The following PKP4 variants were observed in gnomAD, a reference collection of about 807,000 sequenced individuals.
The protein encoded by PKP4 is plakophilin-4.
PKP4 carries 90 observed loss-of-function variants against 145.1 expected under a neutral mutation model. That is an observed-to-expected ratio of 0.62 (90% CI 0.52 to 0.74). The LOEUF is 0.74. Ranked by LOEUF, PKP4 falls within the 30% of genes least tolerant of loss-of-function variation. The pLI, the probability that PKP4 is intolerant of heterozygous loss-of-function variation, is 0.00. For synonymous variants in PKP4, 563 were observed against 577.2 expected (o/e 0.98, Z 0.35); for missense variants, 1,340 against 1,482.7 (o/e 0.90, Z 1.58).
At chr2:158,470,860 G>C (rs933577237) in intron 1 of PKP4, among the ~76,000 whole-genome samples, 1 of 152,140 alleles carries the variant, frequency 6.6e-6, no homozygotes, top group Non-Finnish European at 1.5e-5. Flanking sequence ...TCCTGAGAAG[G>C]CCTCCCACTG....
chr2:158,494,990 A>AG (rs1161924856), intron 1 of PKP4, among the ~76,000 whole-genome samples: 1 of 151,906 alleles, frequency 6.6e-6, no homozygotes, highest in African/African-American at 2.4e-5. Flanking sequence ...AGGCCGAGGC[A>AG]GGCGGATCAT....
intron 1 of PKP4, among the ~76,000 whole-genome samples, chr2:158,514,962 C>T (rs2041819299): frequency 6.6e-6 from 1 of 152,150 alleles, no homozygotes; most frequent in African/African-American, 2.4e-5. Flanking sequence ...TTGCAAATTA[C>T]TCAATGCATC....
Position 158,480,657 on chromosome 2 carries a change from A to G in PKP4, c.-6+23439A>G, listed in dbSNP as rs931437365. Among the ~76,000 whole-genome samples, 12 of 152,246 alleles carry G rather than the reference A, an allele frequency of 7.9e-5. 1 individual carries two copies. Among genetic ancestry groups the G allele is most frequent in the Middle Eastern group, 3.4e-3 (1 of 294 alleles). On this transcript the variant is annotated intron_variant, in intron 1 of 21. Transcript: ENST00000389759. Reference sequence around the variant, plus strand: ...CCCGAGATATTTAATGAAAAATTATATAAATAAGAAATTAATAGAATTTTA... The same window carrying G: ...CCCGAGATATTTAATGAAAAATTATGTAAATAAGAAATTAATAGAATTTTA...
At chr2:158,624,162 C>A (rs2052531482) in intron 6 of PKP4, among the ~76,000 whole-genome samples, 1 of 152,146 alleles carries the variant, frequency 6.6e-6, no homozygotes, top group African/African-American at 2.4e-5. Context: ...GCTAAGAACT[C>A]ATAGATCAGA....
intron 14 of PKP4, 82 bp from the exon 15 acceptor site, chr2:158,663,190 A>AGT (rs1484675209): frequency 3.3e-6 from 5 of 1,515,632 alleles, no homozygotes; most frequent in Non-Finnish European, 4.5e-6. Flanking sequence ...GCTATAGCTG[A>AGT]GTCCCGCAAA....
intron 7 of PKP4, among the ~76,000 whole-genome samples, chr2:158,627,990 A>T (rs554365887): frequency 1.1e-4 from 16 of 149,512 alleles, no homozygotes; most frequent in African/African-American, 3.9e-4. Context: ...TTATTTTTTT[A>T]TTTTTTTTTG....
intron 1 of PKP4, chr2:158,457,433 G>A (rs955678800): frequency 6.6e-6 from 1 of 152,294 alleles, no homozygotes; most frequent in Non-Finnish European, 1.5e-5. Flanking sequence ...CCCCCGGCAG[G>A]CGCACAAGTT....
intron 7 of PKP4, among the ~76,000 whole-genome samples, chr2:158,628,330 A>T (rs1315140723): frequency 6.6e-6 from 1 of 152,182 alleles, no homozygotes; most frequent in African/African-American, 2.4e-5. Flanking sequence ...TTTGAATTCC[A>T]GTTTCAATAA....
intron 10 of PKP4, 40 bp downstream of exon 10, chr2:158,640,799 G>T (rs904571803): frequency 1.2e-6 from 2 of 1,610,292 alleles, no homozygotes; most frequent in Admixed American, 1.7e-5. Context: ...GGAAAATAAT[G>T]CCTTTGCATT....
chr2:158,656,243 A>G (rs765996316), intron 11 of PKP4, among the ~76,000 whole-genome samples: 7 of 152,008 alleles, frequency 4.6e-5, no homozygotes, highest in Non-Finnish European at 8.8e-5. Context: ...ACAGTTTAAA[A>G]CCATTGCCCA....
At chr2:158,479,730 C>T (rs1228320588) in intron 1 of PKP4, among the ~76,000 whole-genome samples, 1 of 152,130 alleles carries the variant, frequency 6.6e-6, no homozygotes, top group Non-Finnish European at 1.5e-5. Context: ...TCATTGATGG[C>T]AGGTGAATAA....
intron 2 of PKP4, 136 bp downstream of exon 2, chr2:158,533,452 G>T: frequency 9.7e-7 from 1 of 1,034,120 alleles, no homozygotes; most frequent in Non-Finnish European, 1.5e-6. Context: ...TTACATCCCT[G>T]AGTACATTGG....
rs1020545204 is a variant in PKP4 at position 158,640,596 on chromosome 2, T to A, written c.1563-31T>A. 3 of 1,609,762 alleles carry A rather than the reference T, an allele frequency of 1.9e-6. No individual in the cohort carries two copies. In the African/African-American group the frequency reaches 4.0e-5, roughly 22 times the overall value. On this transcript the variant is annotated intron_variant, in intron 9 of 21. Coordinates refer to ENST00000389759, the MANE Select transcript of PKP4 (RefSeq NM_003628.6). ...CAGTGTATTTTTACAACATGGGCCTTCCTTTCTGAAGCCATGTTTTTCTCA... is the reference window on the plus strand; with the variant it reads ...CAGTGTATTTTTACAACATGGGCCTACCTTTCTGAAGCCATGTTTTTCTCA...
intron 1 of PKP4, among the ~76,000 whole-genome samples, chr2:158,497,298 G>A (rs987200613): frequency 8.2e-5 from 12 of 147,094 alleles, no homozygotes; most frequent in East Asian, 5.8e-4. Flanking sequence ...TCAGTGTTAC[G>A]CAGTATTTGC....
chr2:158,592,198 T>C (rs973258215), intron 3 of PKP4, among the ~76,000 whole-genome samples: 8 of 151,916 alleles, frequency 5.3e-5, no homozygotes, highest in African/African-American at 1.9e-4. Flanking sequence ...TAGAGAAGAG[T>C]AGGAAACCAG....
chr2:158,649,503 G>A (rs781435697), intron 11 of PKP4, among the ~76,000 whole-genome samples: 5 of 152,300 alleles, frequency 3.3e-5, no homozygotes, highest in Non-Finnish European at 7.3e-5. Context: ...TCAAACTAGT[G>A]ATCAAGTATA....
intron 1 of PKP4, among the ~76,000 whole-genome samples, chr2:158,521,412 A>G (rs1481330048): frequency 6.6e-6 from 1 of 152,198 alleles, no homozygotes; most frequent in Non-Finnish European, 1.5e-5. Flanking sequence ...TTGCAGTGAT[A>G]TTTCTAGTGA....
intron 3 of PKP4, among the ~76,000 whole-genome samples, chr2:158,592,795 T>G (rs2049386768): frequency 6.6e-6 from 1 of 152,150 alleles, no homozygotes; most frequent in Non-Finnish European, 1.5e-5. Context: ...TTTTACATAG[T>G]CTTTTCAAAG....
chr2:158,631,650 C>A, intron 7 of PKP4, 103 bp from the exon 8 acceptor site: 1 of 1,020,766 alleles, frequency 9.8e-7, no homozygotes. Context: ...CTCTGTCTCC[C>A]AAAGTGCTGG....
Sources: allele counts gnomAD v4.1 joint callset (sites outside exome capture counted in the v4.1 genomes callset), GRCh38; gene constraint gnomAD v4.1.1; transcripts MANE v1.5; gene names NCBI Gene and HGNC (gene_info 2026-07-23, HGNC 2026-07-21).